The following GREM2 variants were observed in gnomAD, a reference collection of about 807,000 sequenced individuals.
GREM2 encodes the protein gremlin 2, DAN family BMP antagonist.
Under a neutral mutation model 14.2 loss-of-function variants are expected in GREM2, and 11 were observed. The observed-to-expected ratio is 0.78, with a 90% CI of 0.49 to 1.28. The LOEUF (loss-of-function observed/expected upper bound fraction) is 1.28, where lower values mean the gene tolerates loss of function less well. GREM2 is among the 50% of genes most tolerant of loss of function. The pLI, the probability that GREM2 is intolerant of heterozygous loss-of-function variation, is 0.00. For missense variants in GREM2, 210 were observed against 218.5 expected, an observed-to-expected ratio of 0.96 and a Z score of 0.24; for synonymous variants, 98 against 97.6, an observed-to-expected ratio of 1.00 and a Z score of -0.02.
chr1:240,558,394 G>T (rs1678987176), intron 1 of GREM2, among the ~76,000 whole-genome samples: 2 of 151,428 alleles, frequency 1.3e-5, no homozygotes, highest in African/African-American at 2.4e-5. Flanking sequence ...CAATTTTGAT[G>T]AATTTTTTTT....
At chr1:240,497,642 A>G (rs913273160) in intron 1 of GREM2, among the ~76,000 whole-genome samples, 2 of 105,726 alleles carry the variant, frequency 1.9e-5, no homozygotes, top group African/African-American at 2.9e-5. Flanking sequence ...CAGAAAGGAG[A>G]AAAAAAAAGT....
intron 1 of GREM2, among the ~76,000 whole-genome samples, chr1:240,502,195 C>T (rs1677583766): frequency 6.6e-6 from 1 of 152,074 alleles, no homozygotes; most frequent in Non-Finnish European, 1.5e-5. Flanking sequence ...ATGCTTTGAA[C>T]AAAATCAAAA....
In GREM2 at chr1:240,491,751, G is replaced by C. The variant is rs1205510985; in HGVS notation, c.*1218C>G. 2.0e-5 allele frequency: 3 copies of C among 152,190 alleles called. No individual in the cohort carries two copies. 9.4% of individuals were successfully genotyped at this position (152,190 alleles called of 1,614,324 possible). On this transcript the variant is annotated 3_prime_UTR_variant, in exon 2 of 2. Transcript: ENST00000318160. ...TTTCTTTTAACAGGAAATATTTTTT[G>C]CCTAGTGTCATGGCAGTGAAAGTAG...
intron 1 of GREM2, among the ~76,000 whole-genome samples, chr1:240,521,558 G>A (rs981497513): frequency 9.2e-5 from 14 of 151,864 alleles, no homozygotes; most frequent in South Asian, 2.1e-4. Flanking sequence ...GCGACAGTGT[G>A]AGACTCCGTC....
intron 1 of GREM2, among the ~76,000 whole-genome samples, chr1:240,603,115 G>A (rs920512125): frequency 2.0e-5 from 3 of 152,020 alleles, no homozygotes; most frequent in Non-Finnish European, 2.9e-5. Flanking sequence ...ATTCCAAGGC[G>A]GTGAATGCGG....
chr1:240,530,228 C>T (rs1312667236), intron 1 of GREM2, among the ~76,000 whole-genome samples: 1 of 152,152 alleles, frequency 6.6e-6, no homozygotes, highest in African/African-American at 2.4e-5. Context: ...TTAAATGTGA[C>T]TAATGTGATA....
At chr1:240,528,252 T>C (rs560480791) in intron 1 of GREM2, among the ~76,000 whole-genome samples, 10 of 152,336 alleles carry the variant, frequency 6.6e-5, no homozygotes, top group Admixed American at 5.2e-4. Flanking sequence ...TTTTAAATAA[T>C]GAAATTTCTT....
chr1:240,589,367 A>G (rs1679662207), intron 1 of GREM2, among the ~76,000 whole-genome samples: 1 of 151,802 alleles, frequency 6.6e-6, no homozygotes, highest in Non-Finnish European at 1.5e-5. Context: ...CCCGGGAGGC[A>G]GAGGTTGTGT....
At chr1:240,580,394 T>A (rs970532724) in intron 1 of GREM2, among the ~76,000 whole-genome samples, 4 of 152,198 alleles carry the variant, frequency 2.6e-5, no homozygotes, top group Non-Finnish European at 2.9e-5. Flanking sequence ...TAAGCTTTTC[T>A]CTTCATACCA....
chr1:240,596,808 G>A (rs2102867906), intron 1 of GREM2, among the ~76,000 whole-genome samples: 1 of 152,156 alleles, frequency 6.6e-6, no homozygotes, highest in East Asian at 1.9e-4. Context: ...CAATTCAGCT[G>A]CCGTTAGTCA....
rs748927834 is a variant in GREM2, at chr1:240,493,149, G to C, written c.327C>G (p.His109Gln). 1.2e-6 allele frequency: 2 copies of C among 1,614,198 alleles called. No individual in the cohort carries two copies. Among genetic ancestry groups the C allele is most frequent in the Admixed American group, 3.3e-5 (2 of 60,034 alleles). ...GGAAGGACTCCTCCTCCTTCTTCACGTGCCGCGGGATGTAGAAGGAGTTGC... is the reference window on the plus strand; with the variant it reads ...GGAAGGACTCCTCCTCCTTCTTCACCTGCCGCGGGATGTAGAAGGAGTTGC... ...GQCNSFYIPR[H>Q]VKKEEESFQS... The change falls in exon 2 of 2, where the codon CAC becomes CAG. Residue 109 changes from histidine to glutamine, a missense_variant. Physicochemically the swap from His to Gln is conservative, Grantham distance 24. Transcript: ENST00000318160.
intron 1 of GREM2, among the ~76,000 whole-genome samples, chr1:240,526,446 C>G (rs1012489942): frequency 2.6e-5 from 4 of 152,212 alleles, no homozygotes; most frequent in Non-Finnish European, 5.9e-5. Context: ...GCCTTCAACA[C>G]TAATCCGGCA....
rs1214220300 is a variant in GREM2 at position 240,543,840 on chromosome 1, A to G, written c.-1-50364T>C. On this transcript the variant is annotated intron_variant, in intron 1 of 1. Transcript: ENST00000318160. This position sits in a 1 kb window ranked among gnomAD's most constrained non-coding sequence, Gnocchi z 6.4. ...CTTGATATCTTAAGAGAAATGCCCT[A>G]TATAATGTGAGACTATTATAATTTT... Among the ~76,000 whole-genome samples the G allele has an allele frequency of 6.6e-6, 1 of 152,190 alleles. No homozygotes were observed. The highest frequency in any genetic ancestry group is 2.4e-5 in the African/African-American group (1 of 41,454).
chr1:240,531,547 G>C (rs529592757), intron 1 of GREM2: 1 of 700,840 alleles, frequency 1.4e-6, no homozygotes, highest in African/African-American at 1.9e-5. Context: ...CATTGGAAAA[G>C]AAAAGCTTCC....
At chr1:240,502,090 C>T (rs888506738) in intron 1 of GREM2, among the ~76,000 whole-genome samples, 7 of 152,086 alleles carry the variant, frequency 4.6e-5, no homozygotes, top group Non-Finnish European at 8.8e-5. Flanking sequence ...ATTCTGTGTC[C>T]AGTGAGAGCT....
chr1:240,580,278 A>G (rs563888346), intron 1 of GREM2, among the ~76,000 whole-genome samples: 1 of 152,272 alleles, frequency 6.6e-6, no homozygotes, highest in East Asian at 1.9e-4. Flanking sequence ...TTAATCCTGA[A>G]GTATTTCACA....
chr1:240,574,937 T>A (rs2103369299), intron 1 of GREM2, among the ~76,000 whole-genome samples: 1 of 152,010 alleles, frequency 6.6e-6, no homozygotes, highest in African/African-American at 2.4e-5. Flanking sequence ...TGAAACCCCA[T>A]CTCTACTAAA....
chr1:240,497,867 G>T (rs143916962), intron 1 of GREM2, among the ~76,000 whole-genome samples: 1 of 152,054 alleles, frequency 6.6e-6, no homozygotes, highest in East Asian at 1.9e-4. Flanking sequence ...GATCTCAATA[G>T]CCTCTTAAAA....
At chr1:240,564,937 A>AG (rs1363995597) in intron 1 of GREM2, among the ~76,000 whole-genome samples, 1 of 152,210 alleles carries the variant, frequency 6.6e-6, no homozygotes, top group Non-Finnish European at 1.5e-5. Flanking sequence ...AGGGTAACTC[A>AG]GCCTTCCAGG....
Sources: allele counts gnomAD v4.1 joint callset (sites outside exome capture counted in the v4.1 genomes callset), GRCh38; gene constraint gnomAD v4.1.1; non-coding constraint Gnocchi (gnomAD v3.1); transcripts MANE v1.5; gene names NCBI Gene and HGNC (gene_info 2026-07-23, HGNC 2026-07-21).